Variants in RPS9 observed in about 807,000 individuals in gnomAD.
RPS9 encodes the protein small ribosomal subunit protein uS4.
A neutral mutation model predicts 16.9 loss-of-function variants in RPS9; 1 was observed. That is an observed-to-expected ratio of 0.06 (90% CI 0.02 to 0.28). The LOEUF is 0.28. Among genes scored for constraint, RPS9 ranks in the 10% least tolerant of loss-of-function variants. RPS9 has a pLI of 1.00. For synonymous variants in RPS9, 106 were observed against 110.9 expected, an observed-to-expected ratio of 0.96 and a Z score of 0.28; for missense variants, 137 against 273.2, an observed-to-expected ratio of 0.50 and a Z score of 3.51.
chr19:54,206,205 G>A (rs765126968), intron 3 of RPS9, 71 bp from the exon 4 acceptor site: 51 of 1,496,772 alleles, frequency 3.4e-5, no homozygotes, highest in Admixed American at 9.2e-5. Context: ...ACCAAGAGGC[G>A]GAGCCAGGAT....
chr19:54,207,596 CTG>C lies in RPS9; in HGVS notation c.*22_*23del. 6.4e-7 allele frequency: 1 copy of C among 1,572,382 alleles called. No individual in the cohort carries two copies. Among genetic ancestry groups the C allele is most frequent in the South Asian group, 1.1e-5 (1 of 87,148 alleles). On this transcript the variant is annotated 3_prime_UTR_variant, in exon 5 of 5. Transcript: ENST00000302907. The stretch of plus-strand genomic sequence containing the variant: ...ATTAAGTCCACCTGTCCCTCCTGGG[CTG>C]CTGGATTGTCTCGTTTTCCTGCCAA...
chr19:54,206,365 G>C lies in RPS9; in HGVS notation c.310G>C (p.Asp104His), dbSNP rs762622828. The change falls in exon 4 of 5, where the codon GAT (aspartate) becomes CAT (histidine). Residue 104 changes from aspartate to histidine, a missense_variant. By Grantham distance (81) the Asp-to-His change is moderately conservative. Transcript: ENST00000302907. ...LDYILGLKIE[D>H]FLERRLQTQV... Reference sequence around the variant, plus strand: ...TTACATCCTGGGCCTGAAGATAGAGGATTTCTTAGAGAGACGCCTGCAGAC... The same window carrying C: ...TTACATCCTGGGCCTGAAGATAGAGCATTTCTTAGAGAGACGCCTGCAGAC... The C allele has an allele frequency of 6.2e-7, 1 of 1,614,222 alleles. No individual in the cohort carries two copies. The highest frequency in any genetic ancestry group is 8.5e-7 in the Non-Finnish European group (1 of 1,180,042).
At chr19:54,201,423 C>T in intron 2 of RPS9, 64 bp from the exon 3 acceptor site, 1 of 1,609,832 alleles carries the variant, frequency 6.2e-7, no homozygotes, top group Non-Finnish European at 8.5e-7. Flanking sequence ...GATTCCAAAG[C>T]TGCCAGTCTA....
intron 3 of RPS9, chr19:54,202,634 T>C (rs932486723): frequency 2.7e-5 from 27 of 985,318 alleles, no homozygotes; most frequent in Middle Eastern, 1.0e-3. Flanking sequence ...TGCGGTGTTA[T>C]TGGAGTGCTT....
chr19:54,204,886 A>G (rs2077188466), intron 3 of RPS9, among the ~76,000 whole-genome samples: 2 of 152,228 alleles, frequency 1.3e-5, no homozygotes, highest in South Asian at 4.1e-4. Flanking sequence ...TTGAAGCCAT[A>G]GTATGACATA....
chr19:54,206,881 C>A, intron 4 of RPS9: 1 of 629,470 alleles, frequency 1.6e-6, no homozygotes, highest in Non-Finnish European at 2.7e-6. Flanking sequence ...TGTAATGTGG[C>A]ACCATTGAGG....
At chr19:54,204,755 T>G (rs2077183456) in intron 3 of RPS9, among the ~76,000 whole-genome samples, 1 of 152,160 alleles carries the variant, frequency 6.6e-6, no homozygotes, top group Non-Finnish European at 1.5e-5. Context: ...CAAAAAGGCG[T>G]GAAGTGTCCA....
intron 1 of RPS9, 98 bp from the exon 2 acceptor site, chr19:54,201,062 C>T (rs1341192082): frequency 2.0e-6 from 3 of 1,511,908 alleles, no homozygotes; most frequent in Admixed American, 2.1e-5. Context: ...AGGTTATTCT[C>T]GCGAGATCGG....
intron 1 of RPS9, 69 bp from the exon 2 acceptor site, chr19:54,201,091 T>C: frequency 1.9e-6 from 3 of 1,590,784 alleles, no homozygotes; most frequent in Non-Finnish European, 2.6e-6. Flanking sequence ...TCCGCGAGGT[T>C]TTGGCGTAGT....
At chr19:54,206,503 C>G in intron 4 of RPS9, 41 bp downstream of exon 4, 1 of 1,611,026 alleles carries the variant, frequency 6.2e-7, no homozygotes, top group Non-Finnish European at 8.5e-7. Context: ...CTCCACCTGC[C>G]CCTCTGATGG....
At position 54,200,881 on chromosome 19, in the gene RPS9, T is replaced by G; in HGVS notation, c.-33T>G. 3 of 1,139,248 alleles carry G rather than the reference T, an allele frequency of 2.6e-6. No individual in the cohort carries two copies. The highest frequency in any genetic ancestry group is 2.2e-6 in the Non-Finnish European group (2 of 924,874). 70.6% of individuals were successfully genotyped at this position (1,139,248 alleles called of 1,614,324 possible). On this transcript the variant is annotated 5_prime_UTR_variant, in exon 1 of 5. Coordinates refer to ENST00000302907, the MANE Select transcript of RPS9 (RefSeq NM_001013.4). ...GCCTCTTTCTCAGTGACCGGGTGGTTTGCTTAGGTGAGGTGCGGTGGTGTG... is the reference window on the plus strand; with the variant it reads ...GCCTCTTTCTCAGTGACCGGGTGGTGTGCTTAGGTGAGGTGCGGTGGTGTG...
At chr19:54,205,390 G>C (rs1201761916) in intron 3 of RPS9, among the ~76,000 whole-genome samples, 1 of 151,198 alleles carries the variant, frequency 6.6e-6, no homozygotes, top group Admixed American at 6.6e-5. Context: ...TGCATTGTTA[G>C]GTTATATACA....
chr19:54,201,618 G>C lies in RPS9; in HGVS notation c.220+9G>C. On this transcript the variant is annotated intron_variant, in intron 3 of 4. Coordinates refer to ENST00000302907, the MANE Select transcript of RPS9 (RefSeq NM_001013.4). Reference sequence around the variant, plus strand: ...ACGGCGTCTGTTCGAAGGTGCGTATGGGAGTCCACAGCAGAGGGATGGGGT... The same window carrying C: ...ACGGCGTCTGTTCGAAGGTGCGTATCGGAGTCCACAGCAGAGGGATGGGGT... 1 of 1,614,090 alleles carries C rather than the reference G, an allele frequency of 6.2e-7. No homozygotes were observed. Among genetic ancestry groups the C allele is most frequent in the Non-Finnish European group, 8.5e-7 (1 of 1,180,018 alleles).
At chr19:54,201,375 C>T (rs1411692691) in intron 2 of RPS9, 94 bp downstream of exon 2, 31 of 1,607,074 alleles carry the variant, frequency 1.9e-5, no homozygotes, top group Non-Finnish European at 2.6e-5. Flanking sequence ...AGTCCGTCCC[C>T]TAAATTTGGT....
At chr19:54,205,129 C>G (rs1402561849) in intron 3 of RPS9, among the ~76,000 whole-genome samples, 1 of 151,930 alleles carries the variant, frequency 6.6e-6, no homozygotes, top group African/African-American at 2.4e-5. Context: ...TATAAAAGTG[C>G]ACATAAGGAA....
rs756495620 is a variant in RPS9 at position 54,201,613 on chromosome 19, C to T, written c.220+4C>T. 8 of 1,613,880 alleles carry T rather than the reference C, an allele frequency of 5.0e-6. No homozygotes were observed. The South Asian group carries it at 7.7e-5, about 16-fold the overall frequency. Reference sequence around the variant, plus strand: ...GACCCACGGCGTCTGTTCGAAGGTGCGTATGGGAGTCCACAGCAGAGGGAT... The same window carrying T: ...GACCCACGGCGTCTGTTCGAAGGTGTGTATGGGAGTCCACAGCAGAGGGAT... On this transcript the variant is annotated splice_donor_region_variant and intron_variant, in intron 3 of 4. Coordinates refer to ENST00000302907, the MANE Select transcript of RPS9 (RefSeq NM_001013.4).
Position 54,203,147 on chromosome 19 carries a change from C to T in RPS9, c.220+1538C>T, listed in dbSNP as rs142092103. 7.3e-4 allele frequency: 689 copies of T among 945,290 alleles called. 5 individuals carry two copies. The African/African-American group carries it at 0.011, about 15-fold the overall frequency. The allele number at this position is 945,290 out of a possible 1,614,324, so 58.6% of individuals were successfully genotyped here. On this transcript the variant is annotated intron_variant, in intron 3 of 4. Transcript: ENST00000302907. ...TAGCTGGTTCTGGTTTTAGGGAGGA[C>T]TTTCTGGACATAGATCCTAATTGCA...
At chr19:54,202,284 C>T in intron 3 of RPS9, 1 of 288,420 alleles carries the variant, frequency 3.5e-6, no homozygotes, top group Non-Finnish European at 5.2e-6. Context: ...CTCCAGAGTT[C>T]AAGCGATTCT....
chr19:54,206,427 C>T lies in RPS9; in HGVS notation c.372C>T (p.His124=). Residue 124 remains histidine, a synonymous_variant, in exon 4 of 5, where the codon CAC becomes CAT. Transcript: ENST00000302907. Reference sequence around the variant, plus strand: ...AGCTGGGCTTGGCCAAGTCCATCCACCACGCTCGCGTGCTGATCCGCCAGC... The same window carrying T: ...AGCTGGGCTTGGCCAAGTCCATCCATCACGCTCGCGTGCTGATCCGCCAGC... The part of the protein sequence containing the change: ...VFKLGLAKSI[H]HARVLIRQRH... 2.5e-6 allele frequency: 4 copies of T among 1,614,292 alleles called. No individual in the cohort carries two copies. Among genetic ancestry groups the T allele is most frequent in the African/African-American group, 1.3e-5 (1 of 75,084 alleles).
Sources: allele counts gnomAD v4.1 joint callset (sites outside exome capture counted in the v4.1 genomes callset), GRCh38; gene constraint gnomAD v4.1.1; transcripts MANE v1.5; gene names NCBI Gene and HGNC (gene_info 2026-07-23, HGNC 2026-07-21).